EYS: variants seen among roughly 807,000 people sequenced by gnomAD.
EYS encodes EGF-like photoreceptor maintenance factor.
EYS carries 250 observed loss-of-function variants against 282.1 expected under a neutral mutation model. That is an observed-to-expected ratio of 0.89 (90% CI 0.80 to 0.98). The LOEUF is 0.98. Ranked by LOEUF, EYS falls within the 50% of genes least tolerant of loss-of-function variation. EYS has a pLI of 0.00. For synonymous variants in EYS, 1,355 were observed against 1,282.9 expected, an observed-to-expected ratio of 1.06 and a Z score of -1.20; for missense variants, 4,016 against 3,709.0, an observed-to-expected ratio of 1.08 and a Z score of -2.15.
chr6:65,120,440 A>G (rs1170293323), intron 12 of EYS, among the ~76,000 whole-genome samples: 1 of 132,938 alleles, frequency 7.5e-6, no homozygotes, highest in African/African-American at 3.1e-5. Context: ...TCCAGACATT[A>G]CTCTTTTTCT....
At chr6:64,550,966 G>C (rs893130357) in intron 26 of EYS, among the ~76,000 whole-genome samples, 7 of 152,016 alleles carry the variant, frequency 4.6e-5, no homozygotes, top group African/African-American at 1.7e-4. Context: ...AATTCTAATA[G>C]TAATTACTTG....
chr6:64,178,789 C>T (rs897740295), intron 31 of EYS, among the ~76,000 whole-genome samples: 1 of 152,024 alleles, frequency 6.6e-6, no homozygotes, highest in African/African-American at 2.4e-5. Context: ...ATCCCTTACT[C>T]CTGACACTGG....
At chr6:65,386,108 A>C (rs1205499281) in intron 7 of EYS, among the ~76,000 whole-genome samples, 1 of 151,756 alleles carries the variant, frequency 6.6e-6, no homozygotes, top group African/African-American at 2.4e-5. Flanking sequence ...ATCAGACCCA[A>C]ATGGTGTTGA....
chr6:64,903,014 T>TA (rs899616916), intron 16 of EYS, among the ~76,000 whole-genome samples: 7 of 151,644 alleles, frequency 4.6e-5, no homozygotes, highest in Admixed American at 1.3e-4. Context: ...CCAGTTATAT[T>TA]AAAAAAAATG....
intron 22 of EYS, chr6:64,728,856 G>A (rs964099838): frequency 1.3e-5 from 2 of 152,356 alleles, no homozygotes; most frequent in African/African-American, 4.8e-5. Context: ...TGAATGTGGA[G>A]GATTTTATTG....
intron 26 of EYS, among the ~76,000 whole-genome samples, chr6:64,578,827 T>G (rs1765972308): frequency 6.6e-6 from 1 of 152,116 alleles, no homozygotes; most frequent in Non-Finnish European, 1.5e-5. Flanking sequence ...TGATAATCAC[T>G]ATTACACTTA....
chr6:64,531,942 CT>C (rs1044260036), intron 26 of EYS, among the ~76,000 whole-genome samples: 1 of 152,102 alleles, frequency 6.6e-6, no homozygotes, highest in African/African-American at 2.4e-5. Context: ...TTCAAGTCCT[CT>C]GGGCCTTTAT....
chr6:64,839,614 A>G (rs1036347888), intron 19 of EYS, among the ~76,000 whole-genome samples: 4 of 151,944 alleles, frequency 2.6e-5, no homozygotes, highest in Non-Finnish European at 5.9e-5. Context: ...TTGTATTGCT[A>G]TAATTATATA....
chr6:65,602,283 A>T (rs1193427322), intron 2 of EYS, among the ~76,000 whole-genome samples: 3 of 151,948 alleles, frequency 2.0e-5, no homozygotes, highest in Non-Finnish European at 4.4e-5. Context: ...AACTCTCATC[A>T]TTAAAGTTAT....
intron 12 of EYS, among the ~76,000 whole-genome samples, chr6:65,259,042 A>G (rs1180261431): frequency 2.0e-5 from 3 of 152,108 alleles, no homozygotes; most frequent in African/African-American, 7.2e-5. Flanking sequence ...TCTACGCAAG[A>G]TGATTAAGAA....
intron 29 of EYS, among the ~76,000 whole-genome samples, chr6:64,320,477 G>T (rs1770174155): frequency 6.6e-6 from 1 of 151,658 alleles, no homozygotes. Context: ...AACAAACATA[G>T]TTGAGGTATT....
intron 33 of EYS, among the ~76,000 whole-genome samples, chr6:64,013,257 C>T (rs1475100270): frequency 4.6e-5 from 7 of 152,214 alleles, no homozygotes; most frequent in South Asian, 2.1e-4. Flanking sequence ...ATTTTCTTTC[C>T]GACTACGCTA....
intron 33 of EYS, among the ~76,000 whole-genome samples, chr6:64,006,936 A>T (rs1056713060): frequency 1.3e-5 from 2 of 151,990 alleles, no homozygotes; most frequent in African/African-American, 4.8e-5. Flanking sequence ...TTCATCGAAG[A>T]TATTGGCCTG....
At chr6:65,174,250 C>T (rs1056127411) in intron 12 of EYS, among the ~76,000 whole-genome samples, 5 of 151,396 alleles carry the variant, frequency 3.3e-5, no homozygotes, top group African/African-American at 1.2e-4. Context: ...CTCCACATTA[C>T]ATTTATATGG....
chr6:64,786,309 G>A (rs915704898), intron 22 of EYS, among the ~76,000 whole-genome samples: 2 of 151,810 alleles, frequency 1.3e-5, no homozygotes, highest in South Asian at 2.1e-4. Context: ...CTCCAAAGCC[G>A]AGAGACAGAA....
chr6:63,849,788 C>T (rs1028121225), intron 36 of EYS, among the ~76,000 whole-genome samples: 1 of 152,146 alleles, frequency 6.6e-6, no homozygotes, highest in Non-Finnish European at 1.5e-5. Flanking sequence ...GATCAAGACA[C>T]CTTGTCAGCA....
chr6:64,822,039 C>T (rs1317599607), intron 20 of EYS, among the ~76,000 whole-genome samples: 1 of 151,988 alleles, frequency 6.6e-6, no homozygotes, highest in Non-Finnish European at 1.5e-5. Context: ...AATGAGCTGC[C>T]AACCTTCTTT....
chr6:65,263,963 T>A (rs1767685669), intron 12 of EYS, among the ~76,000 whole-genome samples: 1 of 151,506 alleles, frequency 6.6e-6, no homozygotes, highest in Non-Finnish European at 1.5e-5. Flanking sequence ...GTCAAGAGAA[T>A]AGGAAAAAAG....
chr6:64,903,281 G>T (rs1011232438), intron 16 of EYS, among the ~76,000 whole-genome samples: 2 of 151,828 alleles, frequency 1.3e-5, no homozygotes, highest in Admixed American at 6.6e-5. Context: ...CCTTTATTTT[G>T]CTTTTTCAGT....
Sources: allele counts gnomAD v4.1 joint callset (sites outside exome capture counted in the v4.1 genomes callset), GRCh38; gene constraint gnomAD v4.1.1; transcripts MANE v1.5; gene names NCBI Gene and HGNC (gene_info 2026-07-23, HGNC 2026-07-21).